The following FARS2 variants were observed in gnomAD, a reference collection of about 807,000 sequenced individuals.
The protein encoded by FARS2 is phenylalanine--tRNA ligase, mitochondrial.
A neutral mutation model predicts 46.4 loss-of-function variants in FARS2; 40 were observed. The observed-to-expected ratio is 0.86, with a 90% CI of 0.67 to 1.12. FARS2 has a LOEUF of 1.12. Among genes scored for constraint, FARS2 ranks in the 50% most tolerant of loss-of-function variants. The pLI is 0.00. For synonymous variants in FARS2, 234 were observed against 214.9 expected (o/e 1.09, Z -0.78); for missense variants, 513 against 567.9 (o/e 0.90, Z 0.98).
chr6:5,327,526 A>T (rs895155111), intron 1 of FARS2, among the ~76,000 whole-genome samples: 1 of 152,104 alleles, frequency 6.6e-6, no homozygotes, highest in South Asian at 2.1e-4. Flanking sequence ...GGTTTTATAA[A>T]AGGAAAGTTC....
intron 6 of FARS2, among the ~76,000 whole-genome samples, chr6:5,761,748 A>T (rs983924948): frequency 2.0e-4 from 31 of 151,540 alleles, no homozygotes; most frequent in Admixed American, 1.8e-3. Flanking sequence ...ATAATGGAAT[A>T]GTTGAAAAGA....
chr6:5,663,633 A>G (rs934779173), intron 6 of FARS2, among the ~76,000 whole-genome samples: 3 of 152,164 alleles, frequency 2.0e-5, no homozygotes, highest in Admixed American at 2.0e-4. Context: ...GAGAAAACCT[A>G]AAAAAAGACA....
rs59053657 is a variant in FARS2, at chr6:5,271,560, G to GTTTTT, written c.-22+9916_-22+9920dup. Among the ~76,000 whole-genome samples the GTTTTT allele has an allele frequency of 8.6e-4, 93 of 108,668 alleles. 9 individuals carry two copies. Among genetic ancestry groups the GTTTTT allele is most frequent in the Non-Finnish European group, 9.5e-4 (54 of 56,974 alleles). The allele number at this position is 108,668 out of a possible 152,430, so 71.3% of individuals were successfully genotyped here. On this transcript the variant is annotated intron_variant, in intron 1 of 6. Transcript: ENST00000274680. ...GTGTATAAGAACAGAGACTATGTCT[G>GTTTTT]TTTTTTTTTTTTTTTTTTTTGAGGC... is the stretch of plus-strand genomic sequence containing the variant.
At chr6:5,355,837 T>C (rs912580241) in intron 1 of FARS2, among the ~76,000 whole-genome samples, 33 of 152,326 alleles carry the variant, frequency 2.2e-4, no homozygotes, top group Non-Finnish European at 3.5e-4. Flanking sequence ...TGGAGACACC[T>C]ACTATGATCA....
chr6:5,676,687 T>C (rs1778786146), intron 6 of FARS2, among the ~76,000 whole-genome samples: 1 of 152,256 alleles, frequency 6.6e-6, no homozygotes, highest in Non-Finnish European at 1.5e-5. Flanking sequence ...GAGACTTTCA[T>C]TTTGTTTAAT....
rs369786659 is a variant in FARS2, at chr6:5,601,848, A to G, written c.1066-11321A>G. 1.3e-3 allele frequency among the ~76,000 whole-genome samples: 195 copies of G among 152,266 alleles called. 3 individuals carry two copies. In the South Asian group the frequency reaches 0.023, roughly 18 times the overall value. On this transcript the variant is annotated intron_variant, in intron 5 of 6. Transcript: ENST00000274680. ...ATATAATCACAATCAAAATCAGGGG[A>G]CGTGTGCTCTGATCTAGAAAGAGAA...
chr6:5,628,936 A>G (rs1041256071), intron 6 of FARS2, among the ~76,000 whole-genome samples: 1 of 152,248 alleles, frequency 6.6e-6, no homozygotes, highest in African/African-American at 2.4e-5. Flanking sequence ...GACAAGAAGG[A>G]AGAGGTAAGA....
intron 4 of FARS2, among the ~76,000 whole-genome samples, chr6:5,515,888 A>G (rs1205707064): frequency 1.3e-5 from 2 of 152,250 alleles, no homozygotes; most frequent in Non-Finnish European, 2.9e-5. Context: ...TTAGTAATTT[A>G]TATCATATTA....
chr6:5,594,893 T>C (rs1375693569), intron 5 of FARS2, among the ~76,000 whole-genome samples: 1 of 152,182 alleles, frequency 6.6e-6, no homozygotes, highest in Non-Finnish European at 1.5e-5. Context: ...ATAGGAGCCG[T>C]GTTGCTGAGC....
intron 4 of FARS2, among the ~76,000 whole-genome samples, chr6:5,432,554 C>A: frequency 1.5e-5 from 2 of 132,606 alleles, no homozygotes; most frequent in African/African-American, 5.8e-5. Context: ...TATAAATCCT[C>A]CAAAAAAAAA....
chr6:5,409,312 G>A (rs1199624304), intron 3 of FARS2, among the ~76,000 whole-genome samples: 10 of 152,096 alleles, frequency 6.6e-5, no homozygotes, highest in African/African-American at 2.2e-4. Context: ...TTAGCTGGGC[G>A]TGGTGGCACA....
chr6:5,435,087 A>G (rs1763445790), intron 4 of FARS2, among the ~76,000 whole-genome samples: 1 of 152,222 alleles, frequency 6.6e-6, no homozygotes. Context: ...ATTCAGATCA[A>G]ATAGCTAGAC....
chr6:5,422,305 G>C (rs1234277883), intron 3 of FARS2, among the ~76,000 whole-genome samples: 2 of 152,116 alleles, frequency 1.3e-5, no homozygotes, highest in Admixed American at 1.3e-4. Context: ...TTTGGGTGGG[G>C]ACACAGCCAA....
chr6:5,369,077 T>C lies in FARS2; in HGVS notation c.507T>C (p.Asp169=). 6.2e-7 allele frequency: 1 copy of C among 1,613,978 alleles called. No individual in the cohort carries two copies. Among genetic ancestry groups the C allele is most frequent in the Non-Finnish European group, 8.5e-7 (1 of 1,180,010 alleles). The change falls in exon 2 of 7, where the codon GAT becomes GAC. Residue 169 remains aspartate (D), a synonymous_variant. Transcript: ENST00000274680. ...GGGACTTGCTGCACGCGGGACTGGA[T>C]GCCTTCCTGGTGGTGGGTGATGTCT... ...HQWDLLHAGL[D]AFLVVGDVYR...
At chr6:5,291,345 C>CT in intron 1 of FARS2, 1 of 152,262 alleles carries the variant, frequency 6.6e-6, no homozygotes, top group South Asian at 2.1e-4. Flanking sequence ...ACCTTCTAAA[C>CT]TTTTTTCCAA....
At chr6:5,509,973 T>G (rs1768335538) in intron 4 of FARS2, among the ~76,000 whole-genome samples, 2 of 152,208 alleles carry the variant, frequency 1.3e-5, no homozygotes, top group South Asian at 4.1e-4. Context: ...TATGGTGGTG[T>G]TAACTGTAAT....
intron 1 of FARS2, among the ~76,000 whole-genome samples, chr6:5,362,232 T>TTAACA (rs1758350076): frequency 6.6e-6 from 1 of 152,198 alleles, no homozygotes; most frequent in South Asian, 2.1e-4. Context: ...TGCCATTTAT[T>TTAACA]GAGTACCTGT....
At chr6:5,717,660 A>T (rs1759588415) in intron 6 of FARS2, among the ~76,000 whole-genome samples, 1 of 151,980 alleles carries the variant, frequency 6.6e-6, no homozygotes, top group Admixed American at 6.6e-5. Flanking sequence ...CTCTCCTTTC[A>T]TGCTATTGAG....
At chr6:5,567,334 A>G (rs1372139586) in intron 5 of FARS2, among the ~76,000 whole-genome samples, 1 of 152,106 alleles carries the variant, frequency 6.6e-6, no homozygotes, top group East Asian at 1.9e-4. Flanking sequence ...CCTTTCGAGT[A>G]CTTTGCGCAT....
Sources: allele counts gnomAD v4.1 joint callset (sites outside exome capture counted in the v4.1 genomes callset), GRCh38; gene constraint gnomAD v4.1.1; transcripts MANE v1.5; gene names NCBI Gene and HGNC (gene_info 2026-07-23, HGNC 2026-07-21).